Variants in TAF4B observed in about 807,000 individuals in gnomAD.
TAF4B encodes TATA-box binding protein associated factor 4b, also known as transcription initiation factor TFIID subunit 4B.
A neutral mutation model predicts 86.4 loss-of-function variants in TAF4B; 38 were observed. The observed-to-expected ratio is 0.44, with a 90% CI of 0.34 to 0.58. TAF4B has a LOEUF of 0.58. TAF4B is among the 20% of genes least tolerant of loss of function. The pLI is 0.02. For synonymous variants in TAF4B, 388 were observed against 391.2 expected, an observed-to-expected ratio of 0.99 and a Z score of 0.10; for missense variants, 988 against 1,027.6, an observed-to-expected ratio of 0.96 and a Z score of 0.53.
chr18:26,265,325 C>G lies in TAF4B; in HGVS notation c.489+10C>G, dbSNP rs764231535. ...AATCTGTACAGTGCCGGTAATATAC[C>G]TTAAATATTTTTCATCTTTCTTTGT... is the stretch of plus-strand genomic sequence containing the variant. On this transcript the variant is annotated intron_variant, in intron 2 of 14. Coordinates refer to ENST00000269142, the MANE Select transcript of TAF4B (RefSeq NM_005640.3). The G allele has an allele frequency of 2.5e-6, 4 of 1,576,870 alleles. No homozygotes were observed. Among genetic ancestry groups the G allele is most frequent in the Non-Finnish European group, 3.4e-6 (4 of 1,165,732 alleles).
rs1319545661 is a variant in TAF4B, at chr18:26,286,414, C to A, written c.1505C>A (p.Thr502Asn). 1 of 1,614,082 alleles carries A rather than the reference C, an allele frequency of 6.2e-7. No homozygotes were observed. The highest frequency in any genetic ancestry group is 1.3e-5 in the African/African-American group (1 of 74,922). The change falls in exon 7 of 15, where the codon ACT becomes AAT. Residue 502 changes from threonine (T) to asparagine (N), a missense_variant. Thr to Asn is a moderately conservative substitution (Grantham distance 65). Transcript: ENST00000269142. ...GTTSDKPVIG[T>N]PVQIKLAQPG... is the part of the protein sequence containing the mutation. The stretch of plus-strand genomic sequence containing the variant: ...ACATCTGACAAGCCTGTTATTGGGA[C>A]TCCAGTTCAAATCAAACTTGCCCAG...
chr18:26,230,587 C>A (rs2055649655), intron 1 of TAF4B, among the ~76,000 whole-genome samples: 1 of 152,154 alleles, frequency 6.6e-6, no homozygotes, highest in African/African-American at 2.4e-5. Flanking sequence ...GGTAGTCAGC[C>A]CACAGGAGAA....
Position 26,354,085 on chromosome 18 carries a change from T to C in TAF4B, c.2317-3605T>C, listed in dbSNP as rs186010971. Among the ~76,000 whole-genome samples the C allele has an allele frequency of 1.9e-4, 29 of 152,330 alleles. 1 individual carries two copies. In the East Asian group the frequency reaches 5.4e-3, roughly 28 times the overall value. ...AGTTGTTCCAACAACATTTGATGTT[T>C]GTTTGTTTGAGATAGAATCTCACTC... On this transcript the variant is annotated intron_variant, in intron 13 of 14. Transcript: ENST00000269142.
intron 1 of TAF4B, chr18:26,255,723 G>A: frequency 6.3e-7 from 1 of 1,598,170 alleles, no homozygotes; most frequent in Non-Finnish European, 8.6e-7. Flanking sequence ...GATGGGCAGA[G>A]GCTGTGGCCC....
chr18:26,370,335 T>G (rs1245108570), intron 14 of TAF4B, among the ~76,000 whole-genome samples: 2 of 152,228 alleles, frequency 1.3e-5, no homozygotes, highest in Admixed American at 1.3e-4. Context: ...TCTCTTGGGT[T>G]AAAGTGTACA....
At chr18:26,319,270 T>A (rs2056939482) in intron 10 of TAF4B, among the ~76,000 whole-genome samples, 1 of 151,842 alleles carries the variant, frequency 6.6e-6, no homozygotes, top group African/African-American at 2.4e-5. Context: ...GGCGGGCAGA[T>A]CACTTGAGGT....
chr18:26,298,791 C>G (rs115464907), intron 9 of TAF4B, among the ~76,000 whole-genome samples: 7,546 of 151,362 alleles, frequency 0.05, 595 homozygotes, highest in African/African-American at 0.17. Flanking sequence ...GAGATCCTCC[C>G]ACTGCAGTCT....
chr18:26,350,071 G>C (rs901620205), intron 13 of TAF4B, among the ~76,000 whole-genome samples: 1 of 152,140 alleles, frequency 6.6e-6, no homozygotes, highest in Admixed American at 6.5e-5. Context: ...ATGGTTCAGA[G>C]ATCTAAGTGT....
intron 14 of TAF4B, among the ~76,000 whole-genome samples, chr18:26,380,959 A>T (rs941711936): frequency 6.6e-6 from 1 of 152,184 alleles, no homozygotes; most frequent in South Asian, 2.1e-4. Context: ...ATCAAGCACT[A>T]TTTTAGTATT....
In TAF4B at chr18:26,285,955, C is replaced by G. The variant is rs778576769; in HGVS notation, c.1046C>G (p.Ser349Cys). 5 of 1,614,206 alleles carry G rather than the reference C, an allele frequency of 3.1e-6. No individual in the cohort carries two copies. The Admixed American group carries it at 8.3e-5, about 27-fold the overall frequency. Residue 349 changes from serine (S) to cysteine (C), a missense_variant, in exon 7 of 15, where the codon TCT (serine) becomes TGT (cysteine). Around this residue, in one of 3 missense-constraint regions of TAF4B, gnomAD observed 747 missense variants for 737.9 expected, o/e 1.01. Transcript: ENST00000269142. ...SFIQQCVQQT[S>C]SDMVIATCTT... ...ATCCAGCAATGTGTTCAGCAGACTT[C>G]TAGTGACATGGTCATTGCTACCTGT...
rs1392096033 is a variant in TAF4B at position 26,321,079 on chromosome 18, A to G, written c.2012A>G (p.His671Arg). 6.2e-7 allele frequency: 1 copy of G among 1,613,788 alleles called. No individual in the cohort carries two copies. Among genetic ancestry groups the G allele is most frequent in the South Asian group, 1.1e-5 (1 of 91,064 alleles). The change falls in exon 11 of 15, where the codon CAT becomes CGT. Residue 671 changes from histidine to arginine, a missense_variant. His to Arg is a conservative substitution (Grantham distance 29). Around this residue, in one of 3 missense-constraint regions of TAF4B, gnomAD observed 216 missense variants for 238.4 expected, o/e 0.91. Coordinates refer to ENST00000269142, the MANE Select transcript of TAF4B (RefSeq NM_005640.3). ...QKRILDIGKK[H>R]DITELNSDAV... ...TTCTCTGCTTCTGCAGGTAAAAAGCATGACATTACAGAACTTAACTCTGAT... is the reference window on the plus strand; with the variant it reads ...TTCTCTGCTTCTGCAGGTAAAAAGCGTGACATTACAGAACTTAACTCTGAT...
At chr18:26,299,959 A>G (rs2056711207) in intron 9 of TAF4B, among the ~76,000 whole-genome samples, 1 of 152,060 alleles carries the variant, frequency 6.6e-6, no homozygotes, top group Non-Finnish European at 1.5e-5. Flanking sequence ...TCTATAAAAT[A>G]TGTAGTCTCT....
chr18:26,332,326 T>A (rs2057056602), intron 12 of TAF4B, among the ~76,000 whole-genome samples: 1 of 152,208 alleles, frequency 6.6e-6, no homozygotes, highest in Non-Finnish European at 1.5e-5. Context: ...TTCCCTTATC[T>A]TCTTTCCAGT....
chr18:26,276,850 A>G (rs150756056), intron 5 of TAF4B, among the ~76,000 whole-genome samples: 2 of 151,430 alleles, frequency 1.3e-5, no homozygotes, highest in Non-Finnish European at 2.9e-5. Context: ...ATAAAATATT[A>G]AAGACTTTTT....
chr18:26,379,577 ATC>A (rs1276416450), intron 14 of TAF4B, among the ~76,000 whole-genome samples: 4 of 152,064 alleles, frequency 2.6e-5, no homozygotes, highest in African/African-American at 9.7e-5. Context: ...CCATACTACA[ATC>A]TCTCTTGATT....
chr18:26,234,696 C>T (rs1185276857), intron 1 of TAF4B, among the ~76,000 whole-genome samples: 1 of 152,120 alleles, frequency 6.6e-6, no homozygotes, highest in Non-Finnish European at 1.5e-5. Context: ...TCTTGGGTGG[C>T]GTAAGTCTGG....
chr18:26,265,820 G>T (rs1384336382), intron 2 of TAF4B, among the ~76,000 whole-genome samples: 1 of 152,142 alleles, frequency 6.6e-6, no homozygotes, highest in Non-Finnish European at 1.5e-5. Context: ...CTCCCAAAGT[G>T]CTGGGATTAT....
At chr18:26,238,160 CG>C (rs2055778060) in intron 1 of TAF4B, among the ~76,000 whole-genome samples, 1 of 152,078 alleles carries the variant, frequency 6.6e-6, no homozygotes, top group African/African-American at 2.4e-5. Flanking sequence ...CAAGAAAAAT[CG>C]GATTTAGTGG....
chr18:26,268,637 G>A (rs1168799109), intron 3 of TAF4B, among the ~76,000 whole-genome samples: 2 of 152,004 alleles, frequency 1.3e-5, no homozygotes, highest in Non-Finnish European at 1.5e-5. Flanking sequence ...CCTGAATCAT[G>A]TGGATTTGCC....
Sources: allele counts gnomAD v4.1 joint callset (sites outside exome capture counted in the v4.1 genomes callset), GRCh38; gene constraint gnomAD v4.1.1; regional missense constraint gnomAD v4.1.1; transcripts MANE v1.5; gene names NCBI Gene and HGNC (gene_info 2026-07-23, HGNC 2026-07-21).